The following RPS6KA6 variants were observed in gnomAD, a reference collection of about 807,000 sequenced individuals.
RPS6KA6 encodes the protein ribosomal protein S6 kinase alpha-6.
Under a neutral mutation model 65.4 loss-of-function variants are expected in RPS6KA6, and 27 were observed. That is an observed-to-expected ratio of 0.41 (90% confidence interval 0.30 to 0.57). The LOEUF (loss-of-function observed/expected upper bound fraction) is 0.57. Among genes scored for constraint, RPS6KA6 ranks in the 20% least tolerant of loss-of-function variants. The pLI is 0.24. For missense variants in RPS6KA6, 486 were observed against 555.6 expected (o/e 0.87, Z 1.26); for synonymous variants, 190 against 184.2 (o/e 1.03, Z -0.26).
At chrX:84,134,663 G>T (rs1182507239) in intron 8 of RPS6KA6, 119 bp downstream of exon 8, 1 of 444,234 alleles carries the variant, frequency 2.3e-6, no homozygotes, top group Non-Finnish European at 3.8e-6. Context: ...TCACTAAAGA[G>T]ACAAATAAAT....
chrX:84,122,192 C>T (rs1317342751), intron 8 of RPS6KA6, among the ~76,000 whole-genome samples: 1 of 110,425 alleles, frequency 9.1e-6, no homozygotes. Context: ...TCCCCATGCC[C>T]CAGCAGCAGC....
At chrX:84,117,242 G>T in intron 10 of RPS6KA6, 94 bp from the exon 11 acceptor site, 1 of 727,165 alleles carries the variant, frequency 1.4e-6, no homozygotes, top group Non-Finnish European at 2.0e-6. Context: ...GCTTTTACAA[G>T]GGTACAGTCC....
intron 2 of RPS6KA6, 143 bp downstream of exon 2, chrX:84,164,185 T>A: frequency 2.1e-6 from 1 of 475,154 alleles, no homozygotes; most frequent in Non-Finnish European, 3.6e-6. Flanking sequence ...TATTTTAAAC[T>A]GCAGTTGAGT....
At chrX:84,177,955 C>G (rs753831925) in intron 1 of RPS6KA6, among the ~76,000 whole-genome samples, 2 of 111,030 alleles carry the variant, frequency 1.8e-5, no homozygotes, top group Admixed American at 9.6e-5. Context: ...CCACCACACA[C>G]AGCTAATTTT....
chrX:84,134,897 AAGAT>A (rs1206799347), intron 7 of RPS6KA6, 78 bp from the exon 8 acceptor site: 61 of 725,661 alleles, frequency 8.4e-5, no homozygotes, highest in Non-Finnish European at 1.0e-4. Flanking sequence ...TCATAAAACT[AAGAT>A]AGGTCAGTAT....
intron 8 of RPS6KA6, among the ~76,000 whole-genome samples, chrX:84,127,473 GC>G (rs1217585436): frequency 1.5e-4 from 17 of 111,233 alleles, no homozygotes; most frequent in South Asian, 1.5e-3. Flanking sequence ...ATTCTATGAG[GC>G]AAGTATTACC....
Position 84,060,118 on chromosome X carries a change from G to T in RPS6KA6, c.*4159C>A, listed in dbSNP as rs1355769030. On this transcript the variant is annotated 3_prime_UTR_variant, in exon 22 of 22. Transcript: ENST00000262752. The stretch of plus-strand genomic sequence containing the variant: ...GGAACAGTGCATCCATGAGTATAAT[G>T]TATGTTGTGAATAATCACTATCAAT... 9.0e-6 allele frequency: 1 copy of T among 111,249 alleles called. No homozygotes were observed. Among genetic ancestry groups the T allele is most frequent in the East Asian group, 2.8e-4 (1 of 3,566 alleles). The allele number at this position is 111,249 out of a possible 1,213,427, so 9.2% of individuals were successfully genotyped here.
chrX:84,163,808 T>C (rs1313833989), intron 2 of RPS6KA6, among the ~76,000 whole-genome samples: 2 of 111,804 alleles, frequency 1.8e-5, no homozygotes, highest in Non-Finnish European at 1.9e-5. Flanking sequence ...AAGACTCTAG[T>C]ATCTAGGCAT....
intron 3 of RPS6KA6, among the ~76,000 whole-genome samples, chrX:84,151,179 G>GAT (rs1309429702): frequency 2.5e-4 from 24 of 97,335 alleles, no homozygotes; most frequent in South Asian, 1.4e-3. Flanking sequence ...TATATATATA[G>GAT]CTATATAGGA....
At chrX:84,131,630 G>A (rs1329394279) in intron 8 of RPS6KA6, among the ~76,000 whole-genome samples, 1 of 111,719 alleles carries the variant, frequency 9.0e-6, no homozygotes, top group Non-Finnish European at 1.9e-5. Context: ...AATCCACAGA[G>A]TTCCTTTGCC....
chrX:84,143,587 A>C (rs985674280), intron 6 of RPS6KA6, among the ~76,000 whole-genome samples: 1 of 111,635 alleles, frequency 9.0e-6, no homozygotes, highest in African/African-American at 3.2e-5. Context: ...TAAAAGACTC[A>C]ATATTACTAA....
At position 84,164,377 on chromosome X, in the gene RPS6KA6, A is replaced by T. The variant is rs2035565523; in HGVS notation, c.92T>A (p.Leu31His). 8.4e-7 allele frequency: 1 copy of T among 1,189,102 alleles called. No homozygotes were observed. Among genetic ancestry groups the T allele is most frequent in the African/African-American group, 1.8e-5 (1 of 56,771 alleles). ...TTCCATTGGCTCATCAACCATTTTA[A>T]GACCATTTACCTGAAAAACATTGTT... ...GGASSGEVNG[L>H]KMVDEPMEEG... Residue 31 changes from leucine to histidine, a missense_variant, in exon 2 of 22, where the codon CTT (leucine) becomes CAT (histidine). This residue lies in a region of RPS6KA6 where 106 missense variants were observed against 105.0 expected (regional missense o/e 1.01). Coordinates refer to ENST00000262752, the MANE Select transcript of RPS6KA6 (RefSeq NM_014496.5).
At chrX:84,107,762 G>T in intron 12 of RPS6KA6, 37 bp from the exon 13 acceptor site, 1 of 742,723 alleles carries the variant, frequency 1.3e-6, no homozygotes, top group Non-Finnish European at 2.0e-6. Flanking sequence ...AACGTATTAA[G>T]ACTTTAAAAA....
chrX:84,089,372 T>G (rs2033996571), intron 20 of RPS6KA6, among the ~76,000 whole-genome samples: 1 of 111,911 alleles, frequency 8.9e-6, no homozygotes, highest in South Asian at 3.8e-4. Context: ...GGTCTTAACT[T>G]GTGAGGTGCC....
At chrX:84,067,437 C>A (rs1156542849) in intron 20 of RPS6KA6, among the ~76,000 whole-genome samples, 1 of 111,482 alleles carries the variant, frequency 9.0e-6, no homozygotes, top group African/African-American at 3.3e-5. Flanking sequence ...ACATAAATGA[C>A]CTGATGGAGC....
intron 6 of RPS6KA6, among the ~76,000 whole-genome samples, chrX:84,144,544 T>C (rs917459946): frequency 1.8e-5 from 2 of 111,234 alleles, no homozygotes; most frequent in Non-Finnish European, 3.8e-5. Flanking sequence ...GGCAAGGATG[T>C]GGAGCAACTG....
At chrX:84,124,073 T>C (rs1341932502) in intron 8 of RPS6KA6, among the ~76,000 whole-genome samples, 1 of 111,240 alleles carries the variant, frequency 9.0e-6, no homozygotes, top group Non-Finnish European at 1.9e-5. Context: ...CTTCCAGAAT[T>C]TATCCAAGGC....
At chrX:84,102,746 A>T (rs1212125127) in intron 17 of RPS6KA6, among the ~76,000 whole-genome samples, 1 of 110,914 alleles carries the variant, frequency 9.0e-6, no homozygotes, top group Non-Finnish European at 1.9e-5. Context: ...CCATACAAGG[A>T]GGTTTCCATA....
chrX:84,072,976 T>G (rs2033580336), intron 20 of RPS6KA6, among the ~76,000 whole-genome samples: 1 of 111,658 alleles, frequency 9.0e-6, no homozygotes, highest in East Asian at 2.8e-4. Flanking sequence ...ATCTACAGAT[T>G]CAATGCAATC....
Sources: allele counts gnomAD v4.1 joint callset (sites outside exome capture counted in the v4.1 genomes callset), GRCh38; gene constraint gnomAD v4.1.1; regional missense constraint gnomAD v4.1.1; transcripts MANE v1.5; gene names NCBI Gene and HGNC (gene_info 2026-07-23, HGNC 2026-07-21).